ELOC: variants seen among roughly 807,000 people sequenced by gnomAD.
ELOC encodes the protein elongin C, also known as elongin-C.
For missense variants in ELOC, 38 were observed against 139.0 expected, an observed-to-expected ratio of 0.27 and a Z score of 3.65; for synonymous variants, 40 against 51.3, an observed-to-expected ratio of 0.78 and a Z score of 0.94.
At chr8:73,949,777 G>C (rs1382924551) in intron 3 of ELOC, among the ~76,000 whole-genome samples, 1 of 152,126 alleles carries the variant, frequency 6.6e-6, no homozygotes, top group African/African-American at 2.4e-5. Flanking sequence ...AATGTTTTCT[G>C]ATCTTTCCAA....
intron 3 of ELOC, among the ~76,000 whole-genome samples, chr8:73,952,521 C>A (rs1813846423): frequency 6.6e-6 from 1 of 150,484 alleles, no homozygotes; most frequent in Admixed American, 6.6e-5. Context: ...TGGCTCATGC[C>A]TGTAATCCCA....
chr8:73,962,752 A>C (rs1313968819), intron 1 of ELOC, among the ~76,000 whole-genome samples: 1 of 152,220 alleles, frequency 6.6e-6, no homozygotes, highest in Non-Finnish European at 1.5e-5. Flanking sequence ...CAGTTTCTCT[A>C]CAGAGTTAAT....
At chr8:73,951,188 C>T (rs1178189695) in intron 3 of ELOC, among the ~76,000 whole-genome samples, 3 of 152,190 alleles carry the variant, frequency 2.0e-5, no homozygotes, top group African/African-American at 4.8e-5. Flanking sequence ...AGGAGAATCG[C>T]TTGAACCCTA....
rs7002128 is a variant in ELOC, at chr8:73,958,302, T to G, written c.4+1463A>C. Among the ~76,000 whole-genome samples the G allele has an allele frequency of 6.4e-3, 968 of 152,194 alleles. 10 individuals are homozygous for G. Among genetic ancestry groups the G allele is most frequent in the African/African-American group, 0.021 (890 of 41,532 alleles). On this transcript the variant is annotated intron_variant, in intron 2 of 3. Coordinates refer to ENST00000520242, the MANE Select transcript of ELOC (RefSeq NM_005648.4). ...AAATGGCTTCTGTTCCATGTAAAAC[T>G]TGTAATAAATATTCATCTATGTTAT...
In ELOC at chr8:73,945,277, CCTAG is replaced by C. The variant is rs1813317127; in HGVS notation, c.*1349_*1352del. ...GGATTACAGGCGTGTGCCACCATGG[CCTAG>C]CTAATTTTTGCATTTTTGGTAGAGA... On this transcript the variant is annotated 3_prime_UTR_variant, in exon 4 of 4. Coordinates refer to ENST00000520242, the MANE Select transcript of ELOC (RefSeq NM_005648.4). 6.6e-6 allele frequency: 1 copy of C among 152,064 alleles called. No homozygotes were observed. Among genetic ancestry groups the C allele is most frequent in the Non-Finnish European group, 1.5e-5 (1 of 68,126 alleles). 9.4% of individuals were successfully genotyped at this position (152,064 alleles called of 1,614,324 possible). A position where few individuals can be genotyped will look rare whatever the true frequency, so the allele number is the denominator to read the frequency against.
intron 1 of ELOC, among the ~76,000 whole-genome samples, chr8:73,969,315 T>G (rs970241102): frequency 6.6e-6 from 1 of 152,234 alleles, no homozygotes; most frequent in African/African-American, 2.4e-5. Flanking sequence ...CATTTTTTTT[T>G]GTTCGTTTTG....
rs67188912 is a variant in ELOC, at chr8:73,971,032, C to CAAAAA, written c.-51+1040_-51+1044dup. On this transcript the variant is annotated intron_variant, in intron 1 of 3. Transcript: ENST00000520242. ...CTCAGGACAGAGCGAGACTCCGTCT[C>CAAAAA]AAAAAAAAAAAAAAAAAAAGAAAAA... Among the ~76,000 whole-genome samples, 458 of 61,982 alleles carry CAAAAA rather than the reference C, an allele frequency of 7.4e-3. 28 individuals are homozygous for CAAAAA. Among genetic ancestry groups the CAAAAA allele is most frequent in the Admixed American group, 0.071 (337 of 4,734 alleles). 40.7% of individuals were successfully genotyped at this position (61,982 alleles called of 152,430 possible).
intron 3 of ELOC, among the ~76,000 whole-genome samples, chr8:73,948,038 C>A (rs1021242575): frequency 6.6e-6 from 1 of 151,962 alleles, no homozygotes; most frequent in African/African-American, 2.4e-5. Flanking sequence ...ACTAAAAATA[C>A]AAAATTAGCT....
intron 1 of ELOC, among the ~76,000 whole-genome samples, chr8:73,971,697 C>G (rs1036080510): frequency 6.6e-6 from 1 of 151,974 alleles, no homozygotes; most frequent in Non-Finnish European, 1.5e-5. Flanking sequence ...AGACCTCTCC[C>G]TGGGCTAGGG....
At chr8:73,958,751 C>T (rs992291507) in intron 2 of ELOC, among the ~76,000 whole-genome samples, 7 of 152,170 alleles carry the variant, frequency 4.6e-5, no homozygotes, top group East Asian at 1.9e-4. Context: ...CACTAAAAAT[C>T]ACAAATTGGG....
intron 1 of ELOC, chr8:73,969,418 C>T (rs1296591171): frequency 6.6e-6 from 1 of 152,220 alleles, no homozygotes; most frequent in Non-Finnish European, 1.5e-5. Flanking sequence ...ACTTCTAGTT[C>T]AAGCTACCAT....
At position 73,957,172 on chromosome 8, in the gene ELOC, C is replaced by CA. The variant is rs75391050; in HGVS notation, c.5-1119dup. 6.5e-3 allele frequency among the ~76,000 whole-genome samples: 842 copies of CA among 128,686 alleles called. 5 individuals are homozygous for CA. The highest frequency in any genetic ancestry group is 0.018 in the African/African-American group (615 of 34,038). The allele number at this position is 128,686 out of a possible 152,430, so 84.4% of individuals were successfully genotyped here. On this transcript the variant is annotated intron_variant, in intron 2 of 3. Transcript: ENST00000520242. ...TGGGAAACAGAGAAAGACCCTGTCT[C>CA]AAAAAAAAAAAAAAAGTATGCATTT...
intron 3 of ELOC, 185 bp downstream of exon 3, chr8:73,955,726 T>G: frequency 1.5e-6 from 1 of 680,494 alleles, no homozygotes; most frequent in Non-Finnish European, 2.5e-6. Flanking sequence ...GACCGCACCA[T>G]TGCACTCCAG....
At chr8:73,966,098 G>A (rs546742663) in intron 1 of ELOC, among the ~76,000 whole-genome samples, 1 of 152,314 alleles carries the variant, frequency 6.6e-6, no homozygotes, top group South Asian at 2.1e-4. Context: ...TCAGTTTACA[G>A]ATTCATTCAT....
chr8:73,956,223 A>G (rs1046585178), intron 2 of ELOC, among the ~76,000 whole-genome samples, 169 bp from the exon 3 acceptor site: 4 of 152,102 alleles, frequency 2.6e-5, no homozygotes, highest in Non-Finnish European at 4.4e-5. Context: ...CGTCTCTACT[A>G]AAAATACAAA....
At chr8:73,953,808 T>C (rs565555629) in intron 3 of ELOC, among the ~76,000 whole-genome samples, 2 of 151,180 alleles carry the variant, frequency 1.3e-5, no homozygotes, top group Admixed American at 6.6e-5. Flanking sequence ...TTAAAGAGAA[T>C]TGTCATATGA....
At chr8:73,961,363 T>A (rs1204909489) in intron 1 of ELOC, among the ~76,000 whole-genome samples, 1 of 152,210 alleles carries the variant, frequency 6.6e-6, no homozygotes, top group African/African-American at 2.4e-5. Flanking sequence ...AACTTGCAAG[T>A]AACCTCTCTA....
chr8:73,946,491 A>C lies in ELOC; in HGVS notation c.*139T>G, dbSNP rs1275371390. 3.5e-5 allele frequency: 21 copies of C among 593,706 alleles called. No individual in the cohort carries two copies. Among genetic ancestry groups the C allele is most frequent in the Non-Finnish European group, 5.3e-5 (20 of 379,486 alleles). 36.8% of individuals were successfully genotyped at this position (593,706 alleles called of 1,614,324 possible). A position where few individuals can be genotyped will look rare whatever the true frequency, so the allele number is the denominator to read the frequency against. On this transcript the variant is annotated 3_prime_UTR_variant, in exon 4 of 4. Transcript: ENST00000520242. ...TTCAACTTTGATTGCTATGCAAAAA[A>C]ACAAGATAATCTGCTTTGCAATGAA...
intron 1 of ELOC, among the ~76,000 whole-genome samples, chr8:73,965,304 T>C (rs1222097728): frequency 1.3e-5 from 2 of 152,116 alleles, no homozygotes; most frequent in Non-Finnish European, 1.5e-5. Context: ...GCCACGAGTA[T>C]AGCTAAAATT....
Sources: gnomAD v4.1 joint callset for allele counts (sites outside exome capture counted in the v4.1 genomes callset) on GRCh38, gnomAD v4.1.1 for gene constraint, MANE v1.5 for transcripts, NCBI Gene and HGNC (gene_info 2026-07-23, HGNC 2026-07-21) for gene names.